Variants in PRMT8 observed in about 807,000 individuals in gnomAD.
The protein encoded by PRMT8 is protein arginine N-methyltransferase 8.
Under a neutral mutation model 47.1 loss-of-function variants are expected in PRMT8, and 7 were observed. The observed-to-expected ratio is 0.15, with a 90% CI of 0.08 to 0.28. The LOEUF (loss-of-function observed/expected upper bound fraction) is 0.28. PRMT8 is among the 10% of genes least tolerant of loss of function. The pLI is 1.00. For missense variants in PRMT8, 237 were observed against 505.4 expected, an observed-to-expected ratio of 0.47 and a Z score of 5.09; for synonymous variants, 188 against 186.5, an observed-to-expected ratio of 1.01 and a Z score of -0.07.
intron 1 of PRMT8, among the ~76,000 whole-genome samples, chr12:3,401,147 CAAAAA>C (rs34492092): frequency 4.3e-5 from 2 of 46,034 alleles, no homozygotes; most frequent in African/African-American, 8.6e-5. Flanking sequence ...AACTCCATCT[CAAAAA>C]AAAAAAAAAA....
intron 2 of PRMT8, among the ~76,000 whole-genome samples, chr12:3,546,707 CA>C (rs1866333561): frequency 1.3e-5 from 2 of 152,166 alleles, no homozygotes; most frequent in Admixed American, 6.5e-5. Flanking sequence ...GAACTCCAGG[CA>C]TATATGGTTT....
rs553949153 is a variant in PRMT8 at position 3,445,213 on chromosome 12, A to G, written c.48+63771A>G. Among the ~76,000 whole-genome samples, 49 of 152,328 alleles carry G rather than the reference A, an allele frequency of 3.2e-4. No individual in the cohort carries two copies. In the South Asian group the frequency reaches 1.0e-2, roughly 31 times the overall value. ...TTGTCGTCACTATTTAAACAAAACT[A>G]GCATGTAGAGAGGGAAATGCTAACC... is the stretch of plus-strand genomic sequence containing the variant. On this transcript the variant is annotated intron_variant, in intron 1 of 9. Transcript: ENST00000452611.
At position 3,453,597 on chromosome 12, in the gene PRMT8, G is replaced by A. The variant is rs373747948; in HGVS notation, c.48+72155G>A. 1.3e-5 allele frequency among the ~76,000 whole-genome samples: 2 copies of A among 152,314 alleles called. No homozygotes were observed. On this transcript the variant is annotated intron_variant, in intron 1 of 9. Transcript: ENST00000452611. The surrounding 1 kb of genome is among the most constrained non-coding windows in gnomAD (Gnocchi z 4.9). Reference sequence around the variant, plus strand: ...ACCTTGAAGTAGGGCTGAGAATGAGGTGTCTGGGTCAGGAACTGGTGAGCG... The same window carrying A: ...ACCTTGAAGTAGGGCTGAGAATGAGATGTCTGGGTCAGGAACTGGTGAGCG...
chr12:3,422,294 C>CA (rs1465954793), intron 1 of PRMT8, among the ~76,000 whole-genome samples: 2 of 152,186 alleles, frequency 1.3e-5, no homozygotes, highest in Admixed American at 6.5e-5. Flanking sequence ...TGTAGGAGGA[C>CA]AAGCATGGGT....
chr12:3,427,309 C>A (rs767214457), intron 1 of PRMT8, among the ~76,000 whole-genome samples: 109 of 151,970 alleles, frequency 7.2e-4, no homozygotes, highest in Non-Finnish European at 1.4e-3. Flanking sequence ...CTCTTTTTAA[C>A]CTTTTATAAT....
intron 6 of PRMT8, among the ~76,000 whole-genome samples, chr12:3,573,490 TTTTTC>T (rs1289845797): frequency 4.6e-5 from 7 of 152,216 alleles, no homozygotes; most frequent in Non-Finnish European, 8.8e-5. Flanking sequence ...TTCTATGACT[TTTTTC>T]TTATGATGAT....
At chr12:3,491,774 C>A in intron 1 of PRMT8, 74 bp downstream of exon 1, 1 of 1,543,648 alleles carries the variant, frequency 6.5e-7, no homozygotes, top group South Asian at 1.2e-5. Context: ...CGCCGCCGCT[C>A]AGCGCCGAGT....
chr12:3,521,393 A>G (rs948657300), intron 1 of PRMT8, among the ~76,000 whole-genome samples: 13 of 150,754 alleles, frequency 8.6e-5, no homozygotes, highest in African/African-American at 3.2e-4. Flanking sequence ...GGCCAACATG[A>G]CGAAACCCCG....
chr12:3,399,300 G>A (rs1414259571), intron 1 of PRMT8, among the ~76,000 whole-genome samples: 1 of 152,146 alleles, frequency 6.6e-6, no homozygotes, highest in Non-Finnish European at 1.5e-5. Context: ...TTCAAAGTTG[G>A]CGACTGGGGA....
intron 1 of PRMT8, among the ~76,000 whole-genome samples, chr12:3,465,790 G>A (rs1325206338): frequency 1.3e-5 from 2 of 152,322 alleles, no homozygotes; most frequent in African/African-American, 2.4e-5. Context: ...TTGGCTTGCT[G>A]TCCTGCTAAT....
intron 1 of PRMT8, among the ~76,000 whole-genome samples, chr12:3,404,390 A>T (rs1394312467): frequency 6.6e-6 from 1 of 152,242 alleles, no homozygotes; most frequent in Non-Finnish European, 1.5e-5. Flanking sequence ...ACTAAAAAAC[A>T]TATTTAATAC....
rs1024962281 is a variant in PRMT8 at position 3,539,165 on chromosome 12, T to G, written c.76-1441T>G. Among the ~76,000 whole-genome samples, 3 of 152,226 alleles carry G rather than the reference T, an allele frequency of 2.0e-5. No individual in the cohort carries two copies. The South Asian group carries it at 6.2e-4, about 32-fold the overall frequency. On this transcript the variant is annotated intron_variant, in intron 1 of 9. Coordinates refer to ENST00000382622, the MANE Select transcript of PRMT8 (RefSeq NM_019854.5). ...AGACATAGAACAAGGACATGATGTA[T>G]GTAATAATCATAAGCACTTACTATG...
At chr12:3,529,473 C>T (rs750074967) in intron 1 of PRMT8, among the ~76,000 whole-genome samples, 29 of 152,092 alleles carry the variant, frequency 1.9e-4, no homozygotes, top group Non-Finnish European at 4.0e-4. Flanking sequence ...TTGGAGCAGA[C>T]CCGCATATTA....
intron 1 of PRMT8, among the ~76,000 whole-genome samples, chr12:3,448,612 T>C (rs983330630): frequency 6.6e-6 from 1 of 152,170 alleles, no homozygotes; most frequent in African/African-American, 2.4e-5. Flanking sequence ...CACTAGATGA[T>C]AGTATCCCAC....
intron 1 of PRMT8, among the ~76,000 whole-genome samples, chr12:3,420,313 A>G (rs1864528164): frequency 6.6e-6 from 1 of 152,148 alleles, no homozygotes; most frequent in African/African-American, 2.4e-5. Context: ...GAGTCACTTA[A>G]TGTAATGAAG....
rs571864686 is a variant in PRMT8 at position 3,583,767 on chromosome 12, G to A, written c.979+559G>A. On this transcript the variant is annotated intron_variant, in intron 8 of 9. Transcript: ENST00000382622. The surrounding 1 kb of genome is among the most constrained non-coding windows in gnomAD (Gnocchi z 4.7). ...CTTACGAGGTGCCTCGCTGCCTGCA[G>A]TAGATAAGCCTGGCAAATGGGGATC... 6.6e-6 allele frequency among the ~76,000 whole-genome samples: 1 copy of A among 152,354 alleles called. No individual in the cohort carries two copies. The highest frequency in any genetic ancestry group is 2.4e-5 in the African/African-American group (1 of 41,580).
intron 1 of PRMT8, among the ~76,000 whole-genome samples, chr12:3,446,644 C>T (rs981223838): frequency 5.3e-5 from 8 of 152,222 alleles, no homozygotes; most frequent in African/African-American, 9.7e-5. Flanking sequence ...TGCCATCCAC[C>T]AATGCCTGTT....
intron 1 of PRMT8, among the ~76,000 whole-genome samples, chr12:3,479,674 G>A (rs1229148483): frequency 6.6e-6 from 1 of 152,182 alleles, no homozygotes; most frequent in African/African-American, 2.4e-5. Flanking sequence ...TCACTCTTCT[G>A]CAGACCCACT....
At chr12:3,487,287 G>T (rs748228236), upstream of PRMT8, among the ~76,000 whole-genome samples, 2 of 152,134 alleles carry the variant, frequency 1.3e-5, no homozygotes, top group Non-Finnish European at 2.9e-5. Context: ...ATAATATGTC[G>T]CCCCTTTCAG....
Sources: gnomAD v4.1 joint callset for allele counts (sites outside exome capture counted in the v4.1 genomes callset) on GRCh38, gnomAD v4.1.1 for gene constraint, Gnocchi (gnomAD v3.1) non-coding constraint, MANE v1.5 for transcripts, NCBI Gene and HGNC (gene_info 2026-07-23, HGNC 2026-07-21) for gene names.